The following POLRMT variants were observed in gnomAD, a reference collection of about 807,000 sequenced individuals.
POLRMT encodes the protein RNA polymerase mitochondrial.
A neutral mutation model predicts 132.2 loss-of-function variants in POLRMT; 114 were observed. The ratio of observed to expected loss-of-function variants is 0.86; its 90% CI spans 0.74 to 1.01. POLRMT has a LOEUF of 1.01. POLRMT is among the 50% of genes least tolerant of loss of function. POLRMT has a pLI of 0.00. For synonymous variants in POLRMT, 1,020 were observed against 773.4 expected, an observed-to-expected ratio of 1.32 and a Z score of -5.29; for missense variants, 2,003 against 1,729.1, an observed-to-expected ratio of 1.16 and a Z score of -2.81.
In POLRMT at chr19:617,796, T is replaced by C; in HGVS notation, c.3476A>G (p.Asp1159Gly). The change falls in exon 18 of 21, where the codon GAT becomes GGT. Residue 1159 changes from aspartate (D) to glycine (G), a missense_variant. Asp to Gly is a moderately conservative substitution (Grantham distance 94). Coordinates refer to ENST00000588649, the MANE Select transcript of POLRMT (RefSeq NM_005035.4). Reference sequence around the variant, plus strand: ...GGGCACCTGGTTCATGACGGAGACATCAGCTGCGTGAGTCCAGTAACAGTC... The same window carrying C: ...GGGCACCTGGTTCATGACGGAGACACCAGCTGCGTGAGTCCAGTAACAGTC... ...VHDCYWTHAA[D>G]VSVMNQVCRE... The C allele has an allele frequency of 1.9e-6, 3 of 1,613,228 alleles. No individual in the cohort carries two copies. The highest frequency in any genetic ancestry group is 2.2e-5 in the East Asian group (1 of 44,866).
chr19:617,645 T>C lies in POLRMT; in HGVS notation c.3506A>G (p.Glu1169Gly), dbSNP rs766021518. 10 of 1,612,424 alleles carry C rather than the reference T, an allele frequency of 6.2e-6. No homozygotes were observed. Among genetic ancestry groups the C allele is most frequent in the Non-Finnish European group, 3.4e-6 (4 of 1,179,946 alleles). The part of the protein sequence containing the change: ...DVSVMNQVCR[E>G]QFVRLHSEPI... Reference sequence around the variant, plus strand: ...CTCGCTGTGCAAGCGGACAAACTGCTCCCGGCACACCTGGGCAGGAGTCAG... The same window carrying C: ...CTCGCTGTGCAAGCGGACAAACTGCCCCCGGCACACCTGGGCAGGAGTCAG... Residue 1169 changes from glutamate (E) to glycine (G), a missense_variant, in exon 19 of 21, where the codon GAG becomes GGG. Transcript: ENST00000588649.
rs771954413 is a variant in POLRMT at position 627,147 on chromosome 19, C to CTTTTTTTT, written c.823-1894_823-1893insAAAAAAAA. Among the ~76,000 whole-genome samples the CTTTTTTTT allele has an allele frequency of 2.3e-5, 3 of 131,242 alleles. 1 individual carries two copies. The highest frequency in any genetic ancestry group is 3.2e-5 in the Non-Finnish European group (2 of 62,842). The allele number at this position is 131,242 out of a possible 152,430, so 86.1% of individuals were successfully genotyped here. A position where few individuals can be genotyped will look rare whatever the true frequency, so the allele number is the denominator to read the frequency against. ...GAGACCAGAGACATGAGTTTTGGGG[C>CTTTTTTTT]ATTTTTTTTTTTTTTTTTTTTTGAG... On this transcript the variant is annotated intron_variant, in intron 3 of 20. Coordinates refer to ENST00000588649, the MANE Select transcript of POLRMT (RefSeq NM_005035.4).
intron 3 of POLRMT, among the ~76,000 whole-genome samples, chr19:627,467 T>C (rs1985106573): frequency 1.3e-5 from 2 of 151,782 alleles, no homozygotes; most frequent in Non-Finnish European, 2.9e-5. Flanking sequence ...TGGGGCAGTT[T>C]CTAAACAACC....
chr19:632,036 G>C (rs1265680371), intron 2 of POLRMT, among the ~76,000 whole-genome samples: 3 of 152,046 alleles, frequency 2.0e-5, no homozygotes, highest in Admixed American at 6.6e-5. Context: ...GCCTCCCAAA[G>C]TGCTGGGATT....
At chr19:620,593 G>A (rs1984449681) in intron 10 of POLRMT, 106 bp from the exon 11 acceptor site, 8 of 1,350,600 alleles carry the variant, frequency 5.9e-6, no homozygotes, top group South Asian at 3.0e-5. Flanking sequence ...ACGCACACCC[G>A]TGATAGTGAA....
rs1984316482 is a variant in POLRMT, at chr19:619,407, C to CG, written c.3067-112_3067-111insC. ...CAAGGCCTAGGGCCTAGCAGGGGGG[C>CG]AGGGGAATGGGGCCTGGCGCCCACG... is the stretch of plus-strand genomic sequence containing the variant. On this transcript the variant is annotated intron_variant, in intron 13 of 20. Transcript: ENST00000588649. 4.2e-5 allele frequency: 59 copies of CG among 1,401,204 alleles called. No homozygotes were observed. In the South Asian group the frequency reaches 6.9e-4, roughly 16 times the overall value. The allele number at this position is 1,401,204 out of a possible 1,614,324, so 86.8% of individuals were successfully genotyped here. A position where few individuals can be genotyped will look rare whatever the true frequency, so the allele number is the denominator to read the frequency against.
rs535557518 is a variant in POLRMT, at chr19:626,792, G to A, written c.823-1538C>T. On this transcript the variant is annotated intron_variant, in intron 3 of 20. Coordinates refer to ENST00000588649, the MANE Select transcript of POLRMT (RefSeq NM_005035.4). ...GGAGAATCACTTGAACGCAGAAAGC[G>A]GAAATTGCGGTAAGCCGGGATCTCA... Among the ~76,000 whole-genome samples the A allele has an allele frequency of 2.5e-3, 377 of 151,186 alleles. 1 individual carries two copies. The highest frequency in any genetic ancestry group is 8.6e-3 in the African/African-American group (354 of 41,166).
chr19:633,479 C>T lies in POLRMT; in HGVS notation c.34G>A (p.Gly12Arg). ...CAAGGCCGTAGGGCTCGTTTGAGCC[C>T]CGCCGCTCCGCGGCCCCAGCAAAGT... ...SALCWGRGAA[G>R]LKRALRPCGR... The change falls in exon 1 of 21, where the codon GGG becomes AGG. Residue 12 changes from glycine (G) to arginine (R), a missense_variant. By Grantham distance (125) the Gly-to-Arg change is moderately radical (BLOSUM62 -2). Coordinates refer to ENST00000588649, the MANE Select transcript of POLRMT (RefSeq NM_005035.4). The T allele has an allele frequency of 6.4e-7, 1 of 1,560,612 alleles. No individual in the cohort carries two copies. The highest frequency in any genetic ancestry group is 1.4e-5 in the African/African-American group (1 of 70,284).
chr19:630,048 C>T lies in POLRMT; in HGVS notation c.314G>A (p.Arg105Lys). ...ATCCTTGGCCCCCATCTGGACCTTC[C>T]TGGGTGGCTGGAGGCTACCATCTCC... is the stretch of plus-strand genomic sequence containing the variant. ...GSGDGSLQPP[R>K]KVQMGAKDAT... The change falls in exon 3 of 21, where the codon AGG becomes AAG. Residue 105 changes from arginine (R) to lysine (K), a missense_variant. Coordinates refer to ENST00000588649, the MANE Select transcript of POLRMT (RefSeq NM_005035.4). 1 of 1,613,906 alleles carries T rather than the reference C, an allele frequency of 6.2e-7. No individual in the cohort carries two copies.
At chr19:621,907 C>T (rs1984642737) in intron 9 of POLRMT, 61 bp from the exon 10 acceptor site, 1 of 1,559,262 alleles carries the variant, frequency 6.4e-7, no homozygotes, top group African/African-American at 1.4e-5. Flanking sequence ...GTTCCCACCC[C>T]TTAAACTTGG....
intron 9 of POLRMT, 135 bp downstream of exon 9, chr19:622,014 C>G: frequency 8.8e-7 from 1 of 1,140,728 alleles, no homozygotes; most frequent in East Asian, 2.6e-5. Flanking sequence ...CATGGACACC[C>G]ATGGTGTGTC....
At position 629,870 on chromosome 19, in the gene POLRMT, G is replaced by A. The variant is rs1414767045; in HGVS notation, c.492C>T (p.Pro164=). 1.2e-6 allele frequency: 2 copies of A among 1,610,418 alleles called. No individual in the cohort carries two copies. The highest frequency in any genetic ancestry group is 1.1e-5 in the South Asian group (1 of 90,910). Residue 164 remains proline, a synonymous_variant, in exon 3 of 21, where the codon CCC becomes CCT. Transcript: ENST00000588649. ...KALTRRLQVE[P]RLLSKQMAGC... ...CGGCCATCTGCTTGCTCAGGAGCCG[G>A]GGCTCCACCTGCAGGCGCCTGGTCA...
Position 630,096 on chromosome 19 carries a change from G to A in POLRMT, c.266C>T (p.Ala89Val), listed in dbSNP as rs199640816. Residue 89 changes from alanine to valine, a missense_variant, in exon 3 of 21, where the codon GCG becomes GTG. Transcript: ENST00000588649. ...SEVVVNRVDV[A>V]RLPECGSGDG... is the part of the protein sequence containing the mutation. Reference sequence around the variant, plus strand: ...TCCACTGCCACATTCTGGGAGCCGCGCCACATCCACCCTGTTCACCACCAC... The same window carrying A: ...TCCACTGCCACATTCTGGGAGCCGCACCACATCCACCCTGTTCACCACCAC... 528 of 1,613,482 alleles carry A rather than the reference G, an allele frequency of 3.3e-4. 1 individual carries two copies. Among genetic ancestry groups the A allele is most frequent in the Non-Finnish European group, 4.4e-4 (517 of 1,179,948 alleles).
chr19:622,796 C>T (rs754919280), intron 7 of POLRMT, 25 bp downstream of exon 7: 3 of 1,570,320 alleles, frequency 1.9e-6, no homozygotes, highest in South Asian at 2.3e-5. Context: ...CGCCCGGGGA[C>T]CCGGCCGCGC....
Position 633,528 on chromosome 19 carries a change from A to AC in POLRMT, c.-17_-16insG. ...GTGCCGACATTACGCACGCCGCTCC[A>AC]GGCCACCCCACCGGCCCGCGCCTGC... On this transcript the variant is annotated 5_prime_UTR_variant, in exon 1 of 21. Coordinates refer to ENST00000588649, the MANE Select transcript of POLRMT (RefSeq NM_005035.4). 2 of 707,538 alleles carry AC rather than the reference A, an allele frequency of 2.8e-6. No homozygotes were observed. The highest frequency in any genetic ancestry group is 3.9e-6 in the Non-Finnish European group (2 of 511,260). The allele number at this position is 707,538 out of a possible 1,614,324, so 43.8% of individuals were successfully genotyped here.
At chr19:628,107 GGAAC>G (rs1454066735) in intron 3 of POLRMT, among the ~76,000 whole-genome samples, 1 of 152,132 alleles carries the variant, frequency 6.6e-6, no homozygotes, top group Non-Finnish European at 1.5e-5. Context: ...TGGCCACCCC[GGAAC>G]GCTGGGAGAG....
At chr19:623,652 G>T (rs200037440) in intron 5 of POLRMT, 49 bp from the exon 6 acceptor site, 3 of 1,596,668 alleles carry the variant, frequency 1.9e-6, no homozygotes, top group African/African-American at 2.7e-5. Flanking sequence ...AGGGCGACCT[G>T]CCCTCCCAGG....
chr19:619,925 C>T lies in POLRMT; in HGVS notation c.2886+33G>A, dbSNP rs375048672. Reference sequence around the variant, plus strand: ...CTCAGGGCTCACATTGCCCCCACGCCGAGATGCCCCCGGGCAGCAGGGCAC... The same window carrying T: ...CTCAGGGCTCACATTGCCCCCACGCTGAGATGCCCCCGGGCAGCAGGGCAC... On this transcript the variant is annotated intron_variant, in intron 12 of 20. Transcript: ENST00000588649. 5.0e-6 allele frequency: 8 copies of T among 1,599,074 alleles called. No homozygotes were observed. The African/African-American group carries it at 1.1e-4, about 21-fold the overall frequency.
chr19:619,414 A>G, intron 13 of POLRMT, 118 bp from the exon 14 acceptor site: 1 of 1,367,762 alleles, frequency 7.3e-7, no homozygotes, highest in South Asian at 1.2e-5. Flanking sequence ...GGGCAGGGGA[A>G]TGGGGCCTGG....
Sources: allele counts gnomAD v4.1 joint callset (sites outside exome capture counted in the v4.1 genomes callset), GRCh38; gene constraint gnomAD v4.1.1; transcripts MANE v1.5; gene names NCBI Gene and HGNC (gene_info 2026-07-23, HGNC 2026-07-21).